ABCC4: variants seen among roughly 807,000 people sequenced by gnomAD.
ABCC4 encodes ATP-binding cassette sub-family C member 4.
A neutral mutation model predicts 168.5 loss-of-function variants in ABCC4; 102 were observed. The observed-to-expected ratio is 0.61, with a 90% CI of 0.52 to 0.71. ABCC4 has a LOEUF of 0.71. Ranked by LOEUF, ABCC4 falls within the 30% of genes least tolerant of loss-of-function variation. The probability of loss-of-function intolerance (pLI) is 0.00; values close to 1 mark genes in which losing one functional copy is unlikely to be tolerated. For missense variants in ABCC4, 1,402 were observed against 1,605.8 expected, an observed-to-expected ratio of 0.87 and a Z score of 2.17; for synonymous variants, 617 against 590.7, an observed-to-expected ratio of 1.04 and a Z score of -0.65.
In ABCC4 at chr13:95,164,391, T is replaced by C; in HGVS notation, c.2162A>G (p.Asn721Ser). ...GTCATTATTTACCTGAGCTGCAGTG[T>C]TTAGGAGAATAAGGAAAATGAAGAC... ...WIVFIFLILL[N>S]TAAQVAYVLQ... Residue 721 changes from asparagine to serine, a missense_variant, in exon 16 of 31, where the codon AAC becomes AGC. By Grantham distance (46) the Asn-to-Ser change is conservative (BLOSUM62 1). Coordinates refer to ENST00000645237, the MANE Select transcript of ABCC4 (RefSeq NM_005845.5). 2.5e-6 allele frequency: 4 copies of C among 1,614,072 alleles called. No individual in the cohort carries two copies. Among genetic ancestry groups the C allele is most frequent in the Non-Finnish European group, 3.4e-6 (4 of 1,179,992 alleles).
At chr13:95,208,454 A>C (rs2038848809) in intron 6 of ABCC4, among the ~76,000 whole-genome samples, 1 of 152,120 alleles carries the variant, frequency 6.6e-6, no homozygotes, top group Admixed American at 6.5e-5. Flanking sequence ...CACCATAAGC[A>C]AAAGCATAAA....
intron 19 of ABCC4, among the ~76,000 whole-genome samples, chr13:95,123,335 G>A (rs2035641709): frequency 6.6e-6 from 1 of 152,122 alleles, no homozygotes; most frequent in African/African-American, 2.4e-5. Context: ...ACTTAAAATT[G>A]ATGCTTGTTT....
At chr13:95,032,319 G>C (rs1376512010) in intron 30 of ABCC4, among the ~76,000 whole-genome samples, 1 of 152,202 alleles carries the variant, frequency 6.6e-6, no homozygotes, top group Non-Finnish European at 1.5e-5. Flanking sequence ...GAAGTGCACA[G>C]TGCACATCTG....
At chr13:95,260,434 C>A (rs2040502698) in intron 1 of ABCC4, among the ~76,000 whole-genome samples, 1 of 152,186 alleles carries the variant, frequency 6.6e-6, no homozygotes, top group African/African-American at 2.4e-5. Flanking sequence ...AAGCTCCCCT[C>A]ACCCAGCACA....
intron 4 of ABCC4, among the ~76,000 whole-genome samples, chr13:95,230,037 A>G (rs1367274265): frequency 6.6e-6 from 1 of 152,232 alleles, no homozygotes; most frequent in Non-Finnish European, 1.5e-5. Context: ...AGGTTATACG[A>G]ACCCATGCTG....
intron 30 of ABCC4, among the ~76,000 whole-genome samples, chr13:95,031,449 G>A (rs1025517602): frequency 1.2e-4 from 19 of 152,252 alleles, no homozygotes; most frequent in African/African-American, 4.3e-4. Flanking sequence ...TGTTCTCCAC[G>A]GACCAGCTCT....
In ABCC4 at chr13:95,021,220, A is replaced by G. The variant is rs1488788716; in HGVS notation, c.*355T>C. 5.6e-6 allele frequency: 1 copy of G among 178,750 alleles called. No individual in the cohort carries two copies. The highest frequency in any genetic ancestry group is 6.1e-5 in the Admixed American group (1 of 16,266). The allele number at this position is 178,750 out of a possible 1,614,324, so 11.1% of individuals were successfully genotyped here. ...CTGATATAAATGGAAATTAACATGT[A>G]ATTTTGGGGGCAATAAAAACAACAA... On this transcript the variant is annotated 3_prime_UTR_variant, in exon 31 of 31. Coordinates refer to ENST00000645237, the MANE Select transcript of ABCC4 (RefSeq NM_005845.5).
intron 4 of ABCC4, among the ~76,000 whole-genome samples, chr13:95,227,406 G>A (rs1313281568): frequency 6.9e-6 from 1 of 144,970 alleles, no homozygotes; most frequent in Non-Finnish European, 1.6e-5. Context: ...AACTGTGGGG[G>A]AGAAAAGTTT....
At chr13:95,203,173 C>T (rs759257178) in intron 8 of ABCC4, among the ~76,000 whole-genome samples, 1 of 152,240 alleles carries the variant, frequency 6.6e-6, no homozygotes. Context: ...CCAGCTATTA[C>T]CTGTTCATAT....
At chr13:95,240,201 G>A (rs2039894769) in intron 3 of ABCC4, among the ~76,000 whole-genome samples, 2 of 152,252 alleles carry the variant, frequency 1.3e-5, no homozygotes, top group African/African-American at 4.8e-5. Flanking sequence ...GCCCAATCTA[G>A]ACCCTGGGAA....
intron 21 of ABCC4, among the ~76,000 whole-genome samples, chr13:95,082,889 T>G (rs1594066975): frequency 6.6e-6 from 1 of 152,324 alleles, no homozygotes; most frequent in East Asian, 1.9e-4. Flanking sequence ...GTGCTGACAT[T>G]CCTGTAGAAT....
At chr13:95,135,855 T>C (rs1375894309) in intron 19 of ABCC4, among the ~76,000 whole-genome samples, 1 of 152,340 alleles carries the variant, frequency 6.6e-6, no homozygotes, top group Non-Finnish European at 1.5e-5. Flanking sequence ...CTGTATGTAA[T>C]TGTAGGAGAT....
At chr13:95,276,722 A>G (rs2040981312) in intron 1 of ABCC4, among the ~76,000 whole-genome samples, 1 of 152,190 alleles carries the variant, frequency 6.6e-6, no homozygotes, top group African/African-American at 2.4e-5. Flanking sequence ...TTAATAAAAA[A>G]GGATACAACC....
At chr13:95,163,249 T>A (rs752269837) in intron 17 of ABCC4, 33 bp from the exon 18 acceptor site, 93 of 1,386,262 alleles carry the variant, frequency 6.7e-5, no homozygotes, top group Non-Finnish European at 5.1e-5. Context: ...AATATTAAGC[T>A]ATATATGAAA....
Position 95,143,656 on chromosome 13 carries a change from T to G in ABCC4, c.2455+17533A>C, listed in dbSNP as rs541801230. ...GGACACAAATGCCAAGGAATAGCTA[T>G]GGTAGCACCATTCCACAGTATCTCC... On this transcript the variant is annotated intron_variant, in intron 19 of 30. Transcript: ENST00000645237. Among the ~76,000 whole-genome samples, 25 of 152,336 alleles carry G rather than the reference T, an allele frequency of 1.6e-4. No individual in the cohort carries two copies. In the South Asian group the frequency reaches 4.1e-3, roughly 25 times the overall value.
rs867503056 is a variant in ABCC4 at position 95,244,642 on chromosome 13, A to G, written c.306+2333T>C. On this transcript the variant is annotated intron_variant, in intron 3 of 30. Transcript: ENST00000645237. ...GAAAGAAAGAAAGAAAGAAAGAAAG[A>G]AAGAAAGAAAGAAAGAAAGAAAGAA... is the stretch of plus-strand genomic sequence containing the variant. Among the ~76,000 whole-genome samples the G allele has an allele frequency of 6.9e-3, 488 of 70,518 alleles. 3 individuals are homozygous for G. The highest frequency in any genetic ancestry group is 0.011 in the Middle Eastern group (2 of 174). 46.3% of individuals were successfully genotyped at this position (70,518 alleles called of 152,430 possible).
At chr13:95,130,114 A>C (rs1408181683) in intron 19 of ABCC4, among the ~76,000 whole-genome samples, 1 of 151,968 alleles carries the variant, frequency 6.6e-6, no homozygotes, top group Non-Finnish European at 1.5e-5. Flanking sequence ...ACTTAACAGA[A>C]AACTTATCGT....
At chr13:95,272,331 C>T (rs1185099853) in intron 1 of ABCC4, among the ~76,000 whole-genome samples, 2 of 152,120 alleles carry the variant, frequency 1.3e-5, no homozygotes, top group Non-Finnish European at 2.9e-5. Context: ...TGAGCCAACA[C>T]GCCAAGCCTC....
At chr13:95,056,855 A>G (rs2033079076) in intron 26 of ABCC4, among the ~76,000 whole-genome samples, 1 of 152,188 alleles carries the variant, frequency 6.6e-6, no homozygotes, top group Non-Finnish European at 1.5e-5. Flanking sequence ...TGAAAAATGA[A>G]TCTGTTTAAT....
Sources: gnomAD v4.1 joint callset for allele counts (sites outside exome capture counted in the v4.1 genomes callset) on GRCh38, gnomAD v4.1.1 for gene constraint, MANE v1.5 for transcripts, NCBI Gene and HGNC (gene_info 2026-07-23, HGNC 2026-07-21) for gene names.